The following NTRK1 variants were observed in gnomAD, a reference collection of about 807,000 sequenced individuals.
NTRK1 encodes the protein high affinity nerve growth factor receptor.
A neutral mutation model predicts 86.8 loss-of-function variants in NTRK1; 62 were observed. That is an observed-to-expected ratio of 0.71 (90% confidence interval 0.58 to 0.88). The LOEUF is 0.88. Among genes scored for constraint, NTRK1 ranks in the 40% least tolerant of loss-of-function variants. NTRK1 has a pLI of 0.00. For synonymous variants in NTRK1, 469 were observed against 456.6 expected, an observed-to-expected ratio of 1.03 and a Z score of -0.35; for missense variants, 967 against 1,078.4, an observed-to-expected ratio of 0.90 and a Z score of 1.45.
chr1:156,842,399 T>C (rs1451226204), intron 2 of NTRK1: 1 of 1,613,862 alleles, frequency 6.2e-7, no homozygotes, highest in Admixed American at 1.7e-5. Flanking sequence ...GGTCCCTACC[T>C]CTGCCTCAGG....
rs974585012 is a variant in NTRK1, at chr1:156,874,218, G to T, written c.1178-165G>T. ...GGGCATCCTGGCCCAGCTGGAAAAG[G>T]GTCACATGCATCTTCTTCCTTGAGG... On this transcript the variant is annotated intron_variant, in intron 8 of 16. Transcript: ENST00000524377. The T allele has an allele frequency of 1.1e-5, 12 of 1,115,130 alleles. No homozygotes were observed. In the African/African-American group the frequency reaches 1.8e-4, roughly 17 times the overall value. 69.1% of individuals were successfully genotyped at this position (1,115,130 alleles called of 1,614,324 possible).
intron 1 of NTRK1, among the ~76,000 whole-genome samples, chr1:156,830,144 C>A (rs1327987699): frequency 6.6e-6 from 1 of 152,252 alleles, no homozygotes; most frequent in African/African-American, 2.4e-5. Flanking sequence ...TTGCACAGCC[C>A]ACTTCTGGAA....
chr1:156,851,183 T>G lies in NTRK1; in HGVS notation c.50+8990T>G, dbSNP rs772513463. On this transcript the variant is annotated intron_variant, in intron 2 of 16. Coordinates refer to the NTRK1 transcript ENST00000392302. Reference sequence around the variant, plus strand: ...GTTAACCTACTTAGAGTCACACGCCTAGTGAGTAGCAAAATTGGTTCCAGA... The same window carrying G: ...GTTAACCTACTTAGAGTCACACGCCGAGTGAGTAGCAAAATTGGTTCCAGA... 1.1e-5 allele frequency: 14 copies of G among 1,262,158 alleles called. No homozygotes were observed. The South Asian group carries it at 1.6e-4, about 14-fold the overall frequency. 78.2% of individuals were successfully genotyped at this position (1,262,158 alleles called of 1,614,324 possible). A position where few individuals can be genotyped will look rare whatever the true frequency, so the allele number is the denominator to read the frequency against.
chr1:156,868,373 AACTGCCTGGGGTG>A, intron 5 of NTRK1, 119 bp from the exon 6 acceptor site: 7 of 1,534,538 alleles, frequency 4.6e-6, no homozygotes, highest in Non-Finnish European at 6.1e-6. Flanking sequence ...GGCTGGGGGA[AACTGCCTGGGGTG>A]ACATCGCCTG....
intron 2 of NTRK1, chr1:156,844,954 G>A (rs1363411984): frequency 1.3e-6 from 2 of 1,556,858 alleles, no homozygotes; most frequent in Non-Finnish European, 1.7e-6. Flanking sequence ...TTGGGATTAT[G>A]GGAACTGAGA....
chr1:156,862,992 A>G (rs1428788381), intron 1 of NTRK1, among the ~76,000 whole-genome samples: 3 of 151,604 alleles, frequency 2.0e-5, no homozygotes, highest in African/African-American at 7.3e-5. Context: ...CCTGGTTCCT[A>G]TAAGTTAGGG....
At chr1:156,875,994 G>T (rs1558106013) in intron 12 of NTRK1, 86 bp from the exon 13 acceptor site, 2 of 1,598,452 alleles carry the variant, frequency 1.3e-6, no homozygotes, top group Non-Finnish European at 1.7e-6. Flanking sequence ...GCCTTGTGCA[G>T]CACACAGCCC....
chr1:156,819,716 T>G (rs1275588348), intron 1 of NTRK1, among the ~76,000 whole-genome samples: 4 of 150,586 alleles, frequency 2.7e-5, no homozygotes, highest in Non-Finnish European at 5.9e-5. Flanking sequence ...ATGGGGTTTC[T>G]CCATGTTGGT....
At chr1:156,860,521 T>A (rs1177446770), upstream of NTRK1, among the ~76,000 whole-genome samples, 2 of 152,248 alleles carry the variant, frequency 1.3e-5, no homozygotes, top group African/African-American at 4.8e-5. Flanking sequence ...TAGGATGACC[T>A]GGACAGCAAC....
intron 2 of NTRK1, chr1:156,852,166 A>T: frequency 6.2e-7 from 1 of 1,605,444 alleles, no homozygotes; most frequent in Non-Finnish European, 8.5e-7. Context: ...TCGCTGTGCA[A>T]GCCATCCCAT....
intron 16 of NTRK1, among the ~76,000 whole-genome samples, chr1:156,880,866 C>T (rs1476692925): frequency 1.3e-5 from 2 of 152,208 alleles, no homozygotes; most frequent in East Asian, 3.8e-4. Context: ...CCCTGCCACC[C>T]TTTCTCCTTT....
intron 2 of NTRK1, among the ~76,000 whole-genome samples, chr1:156,852,494 A>C (rs146303663): frequency 6.6e-6 from 1 of 152,140 alleles, no homozygotes; most frequent in Non-Finnish European, 1.5e-5. Flanking sequence ...TGTCTATCCT[A>C]TCTAGGCCTG....
intron 6 of NTRK1, among the ~76,000 whole-genome samples, chr1:156,871,095 G>A (rs779607402): frequency 6.6e-6 from 1 of 152,220 alleles, no homozygotes; most frequent in South Asian, 2.1e-4. Flanking sequence ...GGAATGAATA[G>A]GCAGTGAGGT....
rs976222973 is a variant in NTRK1, at chr1:156,871,770, C to T, written c.850+15C>T. On this transcript the variant is annotated intron_variant, in intron 7 of 16. Transcript: ENST00000524377. ...CAACGTCTCCTGTGAGTCTCAGTGG[C>T]AGCTCCGGCACCCACCCCCTACTCA... is the stretch of plus-strand genomic sequence containing the variant. The T allele has an allele frequency of 1.2e-6, 2 of 1,614,110 alleles. No homozygotes were observed. The highest frequency in any genetic ancestry group is 2.2e-5 in the East Asian group (1 of 44,870).
upstream of NTRK1, chr1:156,860,758 GT>G: frequency 8.2e-7 from 1 of 1,215,384 alleles, no homozygotes; most frequent in Non-Finnish European, 1.1e-6. Context: ...GCGTCAGAGA[GT>G]AGGAAGCGGG....
chr1:156,816,206 C>A (rs1431218175), intron 1 of NTRK1: 7 of 1,458,490 alleles, frequency 4.8e-6, no homozygotes, highest in Non-Finnish European at 6.3e-6. Context: ...ACAGTCTTAA[C>A]GACAGGAAAA....
intron 2 of NTRK1, chr1:156,846,159 T>C (rs1229599143): frequency 2.6e-6 from 4 of 1,534,154 alleles, no homozygotes; most frequent in Admixed American, 2.0e-5. Context: ...GGTGTGGGTC[T>C]TCCTCCTGAA....
In NTRK1 at chr1:156,876,166, C is replaced by T. The variant is rs1394762881; in HGVS notation, c.1588C>T (p.His530Tyr). 1 of 1,614,154 alleles carries T rather than the reference C, an allele frequency of 6.2e-7. No homozygotes were observed. The highest frequency in any genetic ancestry group is 8.5e-7 in the Non-Finnish European group (1 of 1,180,026). Residue 530 changes from histidine (H) to tyrosine (Y), a missense_variant, in exon 13 of 17, where the codon CAC becomes TAC. Coordinates refer to ENST00000524377, the MANE Select transcript of NTRK1 (RefSeq NM_002529.4). ...AFGKVFLAECHNLLPEQDKML... is the reference protein window; with the variant it reads ...AFGKVFLAECYNLLPEQDKML... ...TGGGAAGGTCTTCCTTGCTGAGTGC[C>T]ACAACCTCCTGCCTGAGCAGGACAA...
intron 2 of NTRK1, among the ~76,000 whole-genome samples, chr1:156,850,183 C>T (rs1301188315): frequency 1.3e-5 from 2 of 151,890 alleles, no homozygotes; most frequent in Non-Finnish European, 1.5e-5. Context: ...ATTACAGGCA[C>T]GAGCCACCGC....
Sources: gnomAD v4.1 joint callset for allele counts (sites outside exome capture counted in the v4.1 genomes callset) on GRCh38, gnomAD v4.1.1 for gene constraint, MANE v1.5 for transcripts, NCBI Gene and HGNC (gene_info 2026-07-23, HGNC 2026-07-21) for gene names.